LRP5: variants seen among roughly 807,000 people sequenced by gnomAD.
LRP5 encodes the protein low-density lipoprotein receptor-related protein 5.
A neutral mutation model predicts 154.1 loss-of-function variants in LRP5; 62 were observed. The ratio of observed to expected loss-of-function variants is 0.40; its 90% CI spans 0.33 to 0.50. The LOEUF (loss-of-function observed/expected upper bound fraction) is 0.50, where lower values mean the gene tolerates loss of function less well. LRP5 is among the 20% of genes least tolerant of loss of function. The probability of loss-of-function intolerance (pLI) is 0.55; values close to 1 mark genes in which losing one functional copy is unlikely to be tolerated. For missense variants in LRP5, 1,915 were observed against 2,336.7 expected, an observed-to-expected ratio of 0.82 and a Z score of 3.72; for synonymous variants, 966 against 1,011.5, an observed-to-expected ratio of 0.96 and a Z score of 0.85.
chr11:68,430,728 T>C (rs1226201683), intron 17 of LRP5, among the ~76,000 whole-genome samples: 1 of 152,184 alleles, frequency 6.6e-6, no homozygotes, highest in Non-Finnish European at 1.5e-5. Flanking sequence ...AGTAGTTCTA[T>C]CTTTTTCTCT....
chr11:68,324,626 A>G (rs1294295589), intron 1 of LRP5, among the ~76,000 whole-genome samples: 1 of 152,156 alleles, frequency 6.6e-6, no homozygotes, highest in Middle Eastern at 3.2e-3. Context: ...AAAAATTTCC[A>G]TCTGTTTTGA....
chr11:68,427,874 G>A (rs2098669637), intron 16 of LRP5, among the ~76,000 whole-genome samples: 1 of 152,150 alleles, frequency 6.6e-6, no homozygotes, highest in Non-Finnish European at 1.5e-5. Context: ...TCTTCTCATT[G>A]TCCGGGTGTT....
chr11:68,405,301 T>C (rs1459449698), intron 8 of LRP5, among the ~76,000 whole-genome samples: 1 of 151,148 alleles, frequency 6.6e-6, no homozygotes, highest in Non-Finnish European at 1.5e-5. Flanking sequence ...AGAGACCTCA[T>C]CTCTACCAGA....
intron 17 of LRP5, 95 bp from the exon 18 acceptor site, chr11:68,433,507 T>C: frequency 9.1e-7 from 1 of 1,098,758 alleles, no homozygotes; most frequent in South Asian, 1.2e-5. Context: ...CCGCGCTGAG[T>C]CCCTCTCAAC....
At chr11:68,323,820 GT>G in intron 1 of LRP5, among the ~76,000 whole-genome samples, 1 of 152,322 alleles carries the variant, frequency 6.6e-6, no homozygotes, top group East Asian at 1.9e-4. Context: ...ACCCTCCCAG[GT>G]TATGCCCCCG....
At chr11:68,398,789 G>A (rs1174290055) in intron 7 of LRP5, among the ~76,000 whole-genome samples, 1 of 152,142 alleles carries the variant, frequency 6.6e-6, no homozygotes. Flanking sequence ...AGGCTGGAGT[G>A]CAGTGCTATG....
At chr11:68,340,916 G>A (rs2098608566) in intron 1 of LRP5, among the ~76,000 whole-genome samples, 1 of 152,096 alleles carries the variant, frequency 6.6e-6, no homozygotes, top group African/African-American at 2.4e-5. Context: ...AGAAATCATG[G>A]TTCACGGTTA....
chr11:68,352,290 G>C lies in LRP5; in HGVS notation c.488+4047G>C, dbSNP rs150965004. Among the ~76,000 whole-genome samples the C allele has an allele frequency of 2.6e-5, 4 of 152,330 alleles. No individual in the cohort carries two copies. In the East Asian group the frequency reaches 7.7e-4, roughly 29 times the overall value. On this transcript the variant is annotated intron_variant, in intron 2 of 22. Coordinates refer to ENST00000294304, the MANE Select transcript of LRP5 (RefSeq NM_002335.4). ...GCATGTAGGTTCGATAAAAAGATGA[G>C]ACAAGGTTGGCACGGTGCCACTCTG...
intron 5 of LRP5, among the ~76,000 whole-genome samples, chr11:68,385,574 C>T (rs982354583): frequency 1.3e-5 from 2 of 152,140 alleles, no homozygotes; most frequent in African/African-American, 4.8e-5. Context: ...GGAGGTGTTT[C>T]TCATCTCGCA....
chr11:68,316,289 T>C (rs555498049), intron 1 of LRP5, among the ~76,000 whole-genome samples: 7 of 152,252 alleles, frequency 4.6e-5, no homozygotes, highest in African/African-American at 1.7e-4. Flanking sequence ...ATTTTTTTTT[T>C]GAAATGGAGT....
At chr11:68,357,929 T>C (rs2098624572) in intron 3 of LRP5, 82 bp downstream of exon 3, 1 of 1,297,796 alleles carries the variant, frequency 7.7e-7, no homozygotes. Context: ...AACTCAGGCC[T>C]ACAGACTCTT....
intron 7 of LRP5, among the ~76,000 whole-genome samples, chr11:68,400,281 G>A (rs2098651922): frequency 1.3e-5 from 2 of 152,326 alleles, no homozygotes; most frequent in South Asian, 4.1e-4. Flanking sequence ...TGGGCCCTCT[G>A]TGGGCTCCTT....
intron 17 of LRP5, among the ~76,000 whole-genome samples, chr11:68,431,025 C>A (rs115376865): frequency 1.8e-4 from 28 of 152,280 alleles, no homozygotes; most frequent in African/African-American, 6.5e-4. Flanking sequence ...AGCTGCTATG[C>A]CATGGGTGTG....
At chr11:68,436,531 GCCATTCCTGT>G (rs1343553434) in intron 18 of LRP5, among the ~76,000 whole-genome samples, 3 of 151,054 alleles carry the variant, frequency 2.0e-5, no homozygotes, top group Non-Finnish European at 4.4e-5. Flanking sequence ...GCTCCTCGTG[GCCATTCCTGT>G]CCTTGGCACC....
At chr11:68,384,044 T>G (rs2098641645) in intron 5 of LRP5, among the ~76,000 whole-genome samples, 1 of 152,336 alleles carries the variant, frequency 6.6e-6, no homozygotes, top group South Asian at 2.1e-4. Context: ...AAGTGCTGCC[T>G]CTGCCTCTCC....
Position 68,312,714 on chromosome 11 carries a change from C to T in LRP5, c.-1C>T, listed in dbSNP as rs1375713604. 9.7e-7 allele frequency: 1 copy of T among 1,034,482 alleles called. No homozygotes were observed. The highest frequency in any genetic ancestry group is 1.2e-6 in the Non-Finnish European group (1 of 863,254). 64.1% of individuals were successfully genotyped at this position (1,034,482 alleles called of 1,614,324 possible). A position where few individuals can be genotyped will look rare whatever the true frequency, so the allele number is the denominator to read the frequency against. On this transcript the variant is annotated 5_prime_UTR_variant, in exon 1 of 23. Transcript: ENST00000294304. ...GCGGGCCCGTCCGGCCGCCGGACAA[C>T]ATGGAGGCAGCGCCGCCCGGGCCGC...
intron 16 of LRP5, among the ~76,000 whole-genome samples, chr11:68,428,157 T>C (rs773788351): frequency 4.6e-5 from 7 of 151,714 alleles, no homozygotes; most frequent in Admixed American, 2.0e-4. Flanking sequence ...CATACCAGGC[T>C]AATTTTTTTG....
the LRP5 span, among the ~76,000 whole-genome samples, chr11:68,300,510 G>A: frequency 1.2e-3 from 178 of 149,756 alleles, 2 homozygotes; most frequent in African/African-American, 4.2e-3. Context: ...CCCCTGCCCA[G>A]GACTCCAAGC....
intron 6 of LRP5, 80 bp from the exon 7 acceptor site, chr11:68,389,801 G>A: frequency 2.0e-6 from 3 of 1,473,660 alleles, no homozygotes; most frequent in East Asian, 4.5e-5. Context: ...CGGCTTGGGG[G>A]CAGGCCTTGC....
Sources: allele counts gnomAD v4.1 joint callset (sites outside exome capture counted in the v4.1 genomes callset), GRCh38; gene constraint gnomAD v4.1.1; transcripts MANE v1.5; gene names NCBI Gene and HGNC (gene_info 2026-07-23, HGNC 2026-07-21).